Variants in DDX20 observed in about 807,000 individuals in gnomAD.
The protein encoded by DDX20 is DEAD-box helicase 20.
A neutral mutation model predicts 76.4 loss-of-function variants in DDX20; 61 were observed. That is an observed-to-expected ratio of 0.80 (90% CI 0.65 to 0.99). The LOEUF (loss-of-function observed/expected upper bound fraction) is 0.99. Ranked by LOEUF, DDX20 falls within the 50% of genes least tolerant of loss-of-function variation. The pLI, the probability that DDX20 is intolerant of heterozygous loss-of-function variation, is 0.00. For missense variants in DDX20, 976 were observed against 996.8 expected (o/e 0.98, Z 0.28); for synonymous variants, 357 against 357.4 (o/e 1.00, Z 0.01).
intron 10 of DDX20, among the ~76,000 whole-genome samples, 198 bp from the exon 11 acceptor site, chr1:111,765,539 T>A (rs1663761157): frequency 6.6e-6 from 1 of 152,180 alleles, no homozygotes; most frequent in Non-Finnish European, 1.5e-5. Context: ...GGATGGGTCT[T>A]ACATATTTCT....
rs1198880633 is a variant in DDX20, at chr1:111,759,539, A to G, written c.536A>G (p.Lys179Arg). 1 of 1,613,766 alleles carries G rather than the reference A, an allele frequency of 6.2e-7. No individual in the cohort carries two copies. The highest frequency in any genetic ancestry group is 1.3e-5 in the African/African-American group (1 of 75,034). ...TTATCACAAGACAAAACCAGACTTA[A>G]AAAGTGTCATATTGCTGTTGGATCT... The part of the protein sequence containing the change: ...TPLSQDKTRL[K>R]KCHIAVGSPG... The change falls in exon 3 of 11, where the codon AAA becomes AGA. Residue 179 changes from lysine (K) to arginine (R), a missense_variant. Coordinates refer to ENST00000369702, the MANE Select transcript of DDX20 (RefSeq NM_007204.5).
chr1:111,760,705 G>C lies in DDX20; in HGVS notation c.681-1G>C, dbSNP rs1328904031. On this transcript the variant is annotated splice_acceptor_variant, in intron 4 of 10. Coordinates refer to ENST00000369702, the MANE Select transcript of DDX20 (RefSeq NM_007204.5). LOFTEE classifies it high-confidence loss of function. Reference sequence around the variant, plus strand: ...ACATGGTATCTGTTTTTATTTTGCAGTTGGATTTATTCTTCCTTGCCTGCC... The same window carrying C: ...ACATGGTATCTGTTTTTATTTTGCACTTGGATTTATTCTTCCTTGCCTGCC... 6.2e-7 allele frequency: 1 copy of C among 1,606,040 alleles called. No homozygotes were observed. Among genetic ancestry groups the C allele is most frequent in the Non-Finnish European group, 8.5e-7 (1 of 1,177,722 alleles).
chr1:111,760,927 G>A (rs1438507462), intron 5 of DDX20, 60 bp from the exon 6 acceptor site: 2 of 1,596,792 alleles, frequency 1.3e-6, no homozygotes, highest in Non-Finnish European at 1.7e-6. Context: ...GTTTTGTCTT[G>A]CTGTTTCATG....
chr1:111,756,135 C>G lies in DDX20; in HGVS notation c.211C>G (p.Arg71Gly). 2 of 1,584,012 alleles carry G rather than the reference C, an allele frequency of 1.3e-6. No homozygotes were observed. The highest frequency in any genetic ancestry group is 1.7e-6 in the Non-Finnish European group (2 of 1,173,118). Reference sequence around the variant, plus strand: ...CGACTTCGAGTCACTGCTGCTTTCGCGGCCGGTGCTGGAGGGGCTGCGGGC... The same window carrying G: ...CGACTTCGAGTCACTGCTGCTTTCGGGGCCGGTGCTGGAGGGGCTGCGGGC... ...PADFESLLLS[R>G]PVLEGLRAAG... The change falls in exon 1 of 11, where the codon CGG (arginine) becomes GGG (glycine). Residue 71 changes from arginine to glycine, a missense_variant. Arg to Gly is a moderately radical substitution (Grantham distance 125, BLOSUM62 -2). This residue lies in a region of DDX20 where 343 missense variants were observed against 286.4 expected (regional missense o/e 1.20). Transcript: ENST00000369702.
In DDX20 at chr1:111,762,486, C is replaced by G. The variant is rs961680959; in HGVS notation, c.1104+149C>G. On this transcript the variant is annotated intron_variant, in intron 8 of 10. Coordinates refer to ENST00000369702, the MANE Select transcript of DDX20 (RefSeq NM_007204.5). ...TTTCCAGTGCTGAGGAAAATACTTT[C>G]TTAAAAATGTCTTTAATATGTTTAT... The G allele has an allele frequency of 3.6e-6, 3 of 843,348 alleles. No individual in the cohort carries two copies. The African/African-American group carries it at 5.2e-5, about 15-fold the overall frequency. The allele number at this position is 843,348 out of a possible 1,614,324, so 52.2% of individuals were successfully genotyped here. A position where few individuals can be genotyped will look rare whatever the true frequency, so the allele number is the denominator to read the frequency against.
At chr1:111,760,638 A>G (rs169093) in intron 4 of DDX20, 50 bp downstream of exon 4, 189,231 of 1,600,092 alleles carry the variant, frequency 0.12, 12,940 homozygotes, top group African/African-American at 0.29. Flanking sequence ...CGAAGTATCT[A>G]TCTTTAGCTT....
chr1:111,762,697 T>C lies in DDX20; in HGVS notation c.1125T>C (p.Ala375=). The part of the protein sequence containing the change: ...STDLTSRGID[A]EKVNLVVNLD... ...TCAAGACTTCTCGTGGGATTGATGC[T>C]GAGAAGGTGAATCTGGTTGTAAATC... Residue 375 remains alanine (A), a synonymous_variant, in exon 9 of 11, where the codon GCT becomes GCC. Coordinates refer to ENST00000369702, the MANE Select transcript of DDX20 (RefSeq NM_007204.5). The C allele has an allele frequency of 6.2e-7, 1 of 1,613,788 alleles. No individual in the cohort carries two copies. Among genetic ancestry groups the C allele is most frequent in the East Asian group, 2.2e-5 (1 of 44,866 alleles).
At chr1:111,759,901 G>T (rs1195821003) in intron 3 of DDX20, among the ~76,000 whole-genome samples, 1 of 149,554 alleles carries the variant, frequency 6.7e-6, no homozygotes, top group Non-Finnish European at 1.5e-5. Context: ...GTGAACCCGG[G>T]AGGCGGAGCT....
At position 111,760,575 on chromosome 1, in the gene DDX20, C is replaced by T; in HGVS notation, c.667C>T (p.Gln223Ter). Residue 223 changes from glutamine (Q) to a stop codon, truncating the protein, a stop_gained, in exon 4 of 11, where the codon CAG becomes TAG. Transcript: ENST00000369702. LOFTEE classifies it high-confidence loss of function. ...ADKLLEEGSF[Q>*]EQINWIYSSL... ...TAAGCTTTTAGAAGAAGGCAGCTTC[C>T]AGGAGCAAATAAAGTAAGAAAAATA... 6.2e-7 allele frequency: 1 copy of T among 1,611,966 alleles called. No individual in the cohort carries two copies. Among genetic ancestry groups the T allele is most frequent in the Non-Finnish European group, 8.5e-7 (1 of 1,179,380 alleles).
Position 111,766,179 on chromosome 1 carries a change from G to A in DDX20, c.1755G>A (p.Gln585=), listed in dbSNP as rs560940106. ...IPCLSSFKIH[Q]PYTLTFAELV... The stretch of plus-strand genomic sequence containing the variant: ...GTCTGTCTTCCTTTAAAATCCATCA[G>A]CCATACACGTTGACTTTTGCTGAAT... Residue 585 remains glutamine (Q), a synonymous_variant, in exon 11 of 11, where the codon CAG becomes CAA. Transcript: ENST00000369702. 4 of 1,614,148 alleles carry A rather than the reference G, an allele frequency of 2.5e-6. No homozygotes were observed. Among genetic ancestry groups the A allele is most frequent in the Non-Finnish European group, 3.4e-6 (4 of 1,180,020 alleles).
chr1:111,760,750 T>G lies in DDX20; in HGVS notation c.725T>G (p.Val242Gly), dbSNP rs778772108. 1.4e-5 allele frequency: 22 copies of G among 1,613,630 alleles called. No homozygotes were observed. Among genetic ancestry groups the G allele is most frequent in the Non-Finnish European group, 1.8e-5 (21 of 1,179,902 alleles). ...CCTGCCAGTAAACAGATGCTGGCAG[T>G]ATCAGCTACTTATCCCGAATTTTTG... ...SLPASKQMLA[V>G]SATYPEFLAN... is the part of the protein sequence containing the mutation. The change falls in exon 5 of 11, where the codon GTA becomes GGA. Residue 242 changes from valine to glycine, a missense_variant. Val to Gly is a moderately radical substitution (Grantham distance 109, BLOSUM62 -3). Around this residue, in one of 3 missense-constraint regions of DDX20, gnomAD observed 630 missense variants for 693.7 expected, o/e 0.91. Transcript: ENST00000369702.
chr1:111,762,923 G>A lies in DDX20; in HGVS notation c.1228G>A (p.Val410Met), dbSNP rs1271060233. Reference sequence around the variant, plus strand: ...GCTTTTAGGTACATTGGGGCTGACAGTGACCTACTGTTGCCGGGGAGAGGA... The same window carrying A: ...GCTTTTAGGTACATTGGGGCTGACAATGACCTACTGTTGCCGGGGAGAGGA... ...AGRFGTLGLT[V>M]TYCCRGEEEN... The change falls in exon 10 of 11, where the codon GTG (valine) becomes ATG (methionine). Residue 410 changes from valine to methionine, a missense_variant. Val to Met is a conservative substitution (Grantham distance 21). Coordinates refer to ENST00000369702, the MANE Select transcript of DDX20 (RefSeq NM_007204.5). 1 of 1,614,016 alleles carries A rather than the reference G, an allele frequency of 6.2e-7. No individual in the cohort carries two copies. Among genetic ancestry groups the A allele is most frequent in the South Asian group, 1.1e-5 (1 of 91,080 alleles).
rs78248378 is a variant in DDX20, at chr1:111,762,784, TAA to T, written c.1210+17_1210+18del. 0.034 allele frequency: 48,386 copies of T among 1,415,122 alleles called. No homozygotes were observed. Among genetic ancestry groups the T allele is most frequent in the Admixed American group, 0.041 (2,123 of 52,268 alleles). 87.7% of individuals were successfully genotyped at this position (1,415,122 alleles called of 1,614,324 possible). On this transcript the variant is annotated splice_donor_region_variant and intron_variant, in intron 9 of 10. Coordinates refer to ENST00000369702, the MANE Select transcript of DDX20 (RefSeq NM_007204.5). ...GGATTGGGAGAGCTGGCCGTTTTGGTAAAAAAAAAAAAAAAAGTTTGAGTGCT... is the reference window on the plus strand; with the variant it reads ...GGATTGGGAGAGCTGGCCGTTTTGGTAAAAAAAAAAAAAAGTTTGAGTGCT...
chr1:111,758,580 C>T (rs1663611803), intron 2 of DDX20, among the ~76,000 whole-genome samples: 1 of 152,070 alleles, frequency 6.6e-6, no homozygotes, highest in Non-Finnish European at 1.5e-5. Flanking sequence ...ACACTGCCAT[C>T]TTATGGCCTT....
chr1:111,756,348 C>A (rs1210125717), intron 1 of DDX20, 123 bp downstream of exon 1: 1 of 1,019,334 alleles, frequency 9.8e-7, no homozygotes, highest in Non-Finnish European at 1.3e-6. Flanking sequence ...GGAGCAGGGC[C>A]CTGCCGGGGG....
At chr1:111,758,722 A>G (rs187402941) in intron 2 of DDX20, among the ~76,000 whole-genome samples, 80 of 152,204 alleles carry the variant, frequency 5.3e-4, no homozygotes, top group African/African-American at 1.9e-3. Flanking sequence ...CTCATTTAAA[A>G]TGACTCCTTT....
chr1:111,762,670 A>C lies in DDX20; in HGVS notation c.1105-7A>C, dbSNP rs759581160. The C allele has an allele frequency of 6.2e-7, 1 of 1,610,738 alleles. No individual in the cohort carries two copies. Among genetic ancestry groups the C allele is most frequent in the African/African-American group, 1.3e-5 (1 of 74,810 alleles). On this transcript the variant is annotated splice_polypyrimidine_tract_variant and splice_region_variant and intron_variant, in intron 8 of 10. Coordinates refer to ENST00000369702, the MANE Select transcript of DDX20 (RefSeq NM_007204.5). ...AAACAAATAATTGCTATCTTCTTCA[A>C]TTCAAGACTTCTCGTGGGATTGATG...
intron 2 of DDX20, among the ~76,000 whole-genome samples, chr1:111,757,144 C>A (rs667398): frequency 0.11 from 16,221 of 151,364 alleles, 940 homozygotes; most frequent in Non-Finnish European, 0.12. Flanking sequence ...CCTTGAACTT[C>A]TGGGCTCCAG....
At chr1:111,765,603 A>AC (rs1663762384) in intron 10 of DDX20, 134 bp from the exon 11 acceptor site, 1 of 752,520 alleles carries the variant, frequency 1.3e-6, no homozygotes, top group Middle Eastern at 3.5e-4. Flanking sequence ...TGTTATATCT[A>AC]TTAAACATCT....
Sources: allele counts gnomAD v4.1 joint callset (sites outside exome capture counted in the v4.1 genomes callset), GRCh38; gene constraint gnomAD v4.1.1; regional missense constraint gnomAD v4.1.1; transcripts MANE v1.5; gene names NCBI Gene and HGNC (gene_info 2026-07-23, HGNC 2026-07-21).